The following CHPF2 variants were observed in gnomAD, a reference collection of about 807,000 sequenced individuals.
The protein encoded by CHPF2 is chondroitin polymerizing factor 2, non-catalytic subunit.
Under a neutral mutation model 63.0 loss-of-function variants are expected in CHPF2, and 58 were observed. The ratio of observed to expected loss-of-function variants is 0.92; its 90% CI spans 0.75 to 1.15. The LOEUF (loss-of-function observed/expected upper bound fraction) is 1.15. Among genes scored for constraint, CHPF2 ranks in the 50% most tolerant of loss-of-function variants. The pLI is 0.00. For synonymous variants in CHPF2, 442 were observed against 438.0 expected, an observed-to-expected ratio of 1.01 and a Z score of -0.11; for missense variants, 1,045 against 1,035.4, an observed-to-expected ratio of 1.01 and a Z score of -0.13.
rs1296131375 is a variant in CHPF2, at chr7:151,233,131, A to G, written c.-881A>G. The G allele has an allele frequency of 1.8e-6, 2 of 1,122,050 alleles. No homozygotes were observed. Among genetic ancestry groups the G allele is most frequent in the African/African-American group, 3.3e-5 (2 of 61,454 alleles). 69.5% of individuals were successfully genotyped at this position (1,122,050 alleles called of 1,614,324 possible). A position where few individuals can be genotyped will look rare whatever the true frequency, so the allele number is the denominator to read the frequency against. On this transcript the variant is annotated 5_prime_UTR_variant, in exon 1 of 4. Coordinates refer to ENST00000035307, the MANE Select transcript of CHPF2 (RefSeq NM_019015.3). ...TCTCTCTTTGCTTTTGGTTTGCTTC[A>G]TTTGGCCCCTGGGGCCCTGGTAAAA...
At chr7:151,237,093 C>T in intron 3 of CHPF2, 1 of 620,862 alleles carries the variant, frequency 1.6e-6, no homozygotes, top group South Asian at 1.6e-5. Flanking sequence ...GAGAGAAAGG[C>T]TGTTGAGCTT....
At chr7:151,234,616 C>A (rs748400499) in intron 1 of CHPF2, among the ~76,000 whole-genome samples, 1 of 152,100 alleles carries the variant, frequency 6.6e-6, no homozygotes, top group African/African-American at 2.4e-5. Context: ...CTCAGCCTTG[C>A]GAGTAGCTGG....
At position 151,235,339 on chromosome 7, in the gene CHPF2, A is replaced by G. The variant is rs149460609; in HGVS notation, c.555A>G (p.Thr185=). ...YDWFFIMQDD[T]YVQAPRLAAL... is the part of the protein sequence containing the mutation. ...GGTTCTTCATCATGCAGGATGACAC[A>G]TATGTGCAGGCCCCCCGCCTGGCAG... Residue 185 remains threonine (T), a synonymous_variant, in exon 2 of 4, where the codon ACA becomes ACG. Transcript: ENST00000035307. The G allele has an allele frequency of 3.3e-5, 53 of 1,613,962 alleles. No individual in the cohort carries two copies. In the African/African-American group the frequency reaches 5.9e-4, roughly 18 times the overall value.
In CHPF2 at chr7:151,232,668, G is replaced by A. The variant is rs1357059539; in HGVS notation, c.-1344G>A. 1.6e-5 allele frequency: 21 copies of A among 1,295,434 alleles called. No homozygotes were observed. The highest frequency in any genetic ancestry group is 2.6e-4 in the Middle Eastern group (1 of 3,890). 80.2% of individuals were successfully genotyped at this position (1,295,434 alleles called of 1,614,324 possible). A position where few individuals can be genotyped will look rare whatever the true frequency, so the allele number is the denominator to read the frequency against. ...CCCGGGACGCCGGGAGACCCCGGCCGTCCTTTATCCGGTGTCCGCCGGCCC... is the reference window on the plus strand; with the variant it reads ...CCCGGGACGCCGGGAGACCCCGGCCATCCTTTATCCGGTGTCCGCCGGCCC... On this transcript the variant is annotated 5_prime_UTR_variant, in exon 1 of 4. Transcript: ENST00000035307.
chr7:151,237,027 G>A (rs1802679542), intron 3 of CHPF2: 1 of 553,618 alleles, frequency 1.8e-6, no homozygotes, highest in African/African-American at 1.9e-5. Flanking sequence ...CAGAGGTGGA[G>A]TGTAGATGAA....
At chr7:151,234,999 G>A (rs1452879664) in intron 1 of CHPF2, 49 bp from the exon 2 acceptor site, 3 of 1,444,206 alleles carry the variant, frequency 2.1e-6, no homozygotes, top group Non-Finnish European at 2.8e-6. Context: ...AACAAGCTGG[G>A]TTCCTAAAGA....
chr7:151,235,705 T>G, intron 2 of CHPF2, 93 bp downstream of exon 2: 1 of 1,233,668 alleles, frequency 8.1e-7, no homozygotes, highest in Non-Finnish European at 1.1e-6. Context: ...GAGGCCATTG[T>G]TCCCCCTTCC....
Position 151,233,489 on chromosome 7 carries a change from C to A in CHPF2, c.-523C>A. The A allele has an allele frequency of 3.0e-6, 3 of 985,782 alleles. No homozygotes were observed. The highest frequency in any genetic ancestry group is 3.6e-6 in the Non-Finnish European group (3 of 830,190). The allele number at this position is 985,782 out of a possible 1,614,324, so 61.1% of individuals were successfully genotyped here. A position where few individuals can be genotyped will look rare whatever the true frequency, so the allele number is the denominator to read the frequency against. On this transcript the variant is annotated 5_prime_UTR_variant, in exon 1 of 4. Transcript: ENST00000035307. ...TGGCTCAGCAGCCCCTTCAGTAGCC[C>A]GCCTGAGGACCGATGCCAGAGGCAG... is the stretch of plus-strand genomic sequence containing the variant.
Position 151,238,619 on chromosome 7 carries a change from C to A in CHPF2, c.2257C>A (p.Leu753Ile). The stretch of plus-strand genomic sequence containing the variant: ...CTGCCGCCTCAGCAACCTGGAGGGG[C>A]TAGGGGGCCGTGCCCAGCTGGCTAT... ...HRCRLSNLEG[L>I]GGRAQLAMAL... The change falls in exon 4 of 4, where the codon CTA becomes ATA. Residue 753 changes from leucine (L) to isoleucine (I), a missense_variant. Coordinates refer to ENST00000035307, the MANE Select transcript of CHPF2 (RefSeq NM_019015.3). 1 of 1,612,390 alleles carries A rather than the reference C, an allele frequency of 6.2e-7. No individual in the cohort carries two copies. The highest frequency in any genetic ancestry group is 8.5e-7 in the Non-Finnish European group (1 of 1,179,134).
rs761971375 is a variant in CHPF2 at position 151,232,509 on chromosome 7, A to C, written c.-1503A>C. On this transcript the variant is annotated 5_prime_UTR_variant, in exon 1 of 4. Coordinates refer to ENST00000035307, the MANE Select transcript of CHPF2 (RefSeq NM_019015.3). ...GAGGAAGCTGCGGACAGGGGCTGTG[A>C]GGTGGCAGCGGCTGCAGCGGCGGAG... is the stretch of plus-strand genomic sequence containing the variant. 3.0e-5 allele frequency: 15 copies of C among 496,700 alleles called. No homozygotes were observed. Among genetic ancestry groups the C allele is most frequent in the Non-Finnish European group, 5.3e-5 (15 of 282,290 alleles). 30.8% of individuals were successfully genotyped at this position (496,700 alleles called of 1,614,324 possible).
chr7:151,233,128 T>C lies in CHPF2; in HGVS notation c.-884T>C. The stretch of plus-strand genomic sequence containing the variant: ...TGCTCTCTCTTTGCTTTTGGTTTGC[T>C]TCATTTGGCCCCTGGGGCCCTGGTA... On this transcript the variant is annotated 5_prime_UTR_variant, in exon 1 of 4. Coordinates refer to ENST00000035307, the MANE Select transcript of CHPF2 (RefSeq NM_019015.3). The C allele has an allele frequency of 1.8e-6, 2 of 1,128,260 alleles. No homozygotes were observed. Among genetic ancestry groups the C allele is most frequent in the Non-Finnish European group, 2.2e-6 (2 of 921,448 alleles). 69.9% of individuals were successfully genotyped at this position (1,128,260 alleles called of 1,614,324 possible).
rs143580156 is a variant in CHPF2 at position 151,235,152 on chromosome 7, C to T, written c.368C>T (p.Thr123Met). 1.2e-4 allele frequency: 196 copies of T among 1,613,146 alleles called. 1 individual carries two copies. Among genetic ancestry groups the T allele is most frequent in the South Asian group, 4.4e-4 (40 of 90,958 alleles). Residue 123 changes from threonine (T) to methionine (M), a missense_variant, in exon 2 of 4, where the codon ACG becomes ATG. Transcript: ENST00000035307. Reference protein sequence around the residue: ...LSTLAVAVNRTVAHHFPRLLY... With the variant: ...LSTLAVAVNRMVAHHFPRLLY... ...ACTTTGGCCGTGGCTGTGAACCGTA[C>T]GGTGGCCCATCACTTCCCTCGGTTA...
chr7:151,237,649 G>A lies in CHPF2; in HGVS notation c.1287G>A (p.Leu429=). The change falls in exon 4 of 4, where the codon CTG becomes CTA. Residue 429 remains leucine, a synonymous_variant. Coordinates refer to ENST00000035307, the MANE Select transcript of CHPF2 (RefSeq NM_019015.3). ...GCCTGCGCTTCCAGAAGCAGCGACT[G>A]CTCAACGGCTATCGGCGCTTCGACC... ...QPRLRFQKQR[L]LNGYRRFDPA... 6.2e-7 allele frequency: 1 copy of A among 1,613,344 alleles called. No homozygotes were observed. Among genetic ancestry groups the A allele is most frequent in the Non-Finnish European group, 8.5e-7 (1 of 1,179,942 alleles).
rs767776711 is a variant in CHPF2, at chr7:151,237,727, G to C, written c.1365G>C (p.Gln455His). 7 of 1,612,854 alleles carry C rather than the reference G, an allele frequency of 4.3e-6. No individual in the cohort carries two copies. In the South Asian group the frequency reaches 6.6e-5, roughly 15 times the overall value. ...ACCTGCTGTTGGAATGTGTGACACA[G>C]CGTGGGCACCGGCGGGCCCTGGCTC... Reference protein sequence around the residue: ...TLDLLLECVTQRGHRRALARR... With the variant: ...TLDLLLECVTHRGHRRALARR... The change falls in exon 4 of 4, where the codon CAG (glutamine) becomes CAC (histidine). Residue 455 changes from glutamine to histidine, a missense_variant. Transcript: ENST00000035307.
chr7:151,237,300 CAG>C (rs1180796334), intron 3 of CHPF2, 72 bp from the exon 4 acceptor site: 11 of 1,227,084 alleles, frequency 9.0e-6, no homozygotes, highest in Non-Finnish European at 1.1e-5. Flanking sequence ...GTTTGAATCT[CAG>C]AGCCCAGGCA....
chr7:151,238,706 T>A lies in CHPF2; in HGVS notation c.*25T>A. The A allele has an allele frequency of 6.2e-7, 1 of 1,604,858 alleles. No individual in the cohort carries two copies. The highest frequency in any genetic ancestry group is 8.5e-7 in the Non-Finnish European group (1 of 1,176,390). ...GCCCGCCTGGGGGCCCTAACCTCATTACCTTTCCTTTGTCTGCCTCAGCCC... is the reference window on the plus strand; with the variant it reads ...GCCCGCCTGGGGGCCCTAACCTCATAACCTTTCCTTTGTCTGCCTCAGCCC... On this transcript the variant is annotated 3_prime_UTR_variant, in exon 4 of 4. Coordinates refer to ENST00000035307, the MANE Select transcript of CHPF2 (RefSeq NM_019015.3).
At position 151,238,739 on chromosome 7, in the gene CHPF2, G is replaced by T; in HGVS notation, c.*58G>T. On this transcript the variant is annotated 3_prime_UTR_variant, in exon 4 of 4. Transcript: ENST00000035307. The stretch of plus-strand genomic sequence containing the variant: ...CTTTGTCTGCCTCAGCCCCAGGAAG[G>T]GCAAGGCAAGATGGTGGACAGATAG... 6.2e-7 allele frequency: 1 copy of T among 1,600,590 alleles called. No homozygotes were observed. Among genetic ancestry groups the T allele is most frequent in the South Asian group, 1.1e-5 (1 of 89,358 alleles).
At position 151,233,369 on chromosome 7, in the gene CHPF2, A is replaced by C. The variant is rs1563627289; in HGVS notation, c.-643A>C. On this transcript the variant is annotated 5_prime_UTR_variant, in exon 1 of 4. Coordinates refer to ENST00000035307, the MANE Select transcript of CHPF2 (RefSeq NM_019015.3). Reference sequence around the variant, plus strand: ...CTCCAGACCGCTCCTGAGTGGGAGGAGGGGTTCCTGTAGCCGTTGCGTCTT... The same window carrying C: ...CTCCAGACCGCTCCTGAGTGGGAGGCGGGGTTCCTGTAGCCGTTGCGTCTT... 1 of 985,686 alleles carries C rather than the reference A, an allele frequency of 1.0e-6. No homozygotes were observed. Among genetic ancestry groups the C allele is most frequent in the Non-Finnish European group, 1.2e-6 (1 of 830,220 alleles). 61.1% of individuals were successfully genotyped at this position (985,686 alleles called of 1,614,324 possible).
In CHPF2 at chr7:151,238,030, C is replaced by A; in HGVS notation, c.1668C>A (p.Tyr556Ter). 6.2e-7 allele frequency: 1 copy of A among 1,612,890 alleles called. No homozygotes were observed. The highest frequency in any genetic ancestry group is 8.5e-7 in the Non-Finnish European group (1 of 1,180,034). ...CAGCAGCGGAGTTAGAGCGACGGTA[C>A]CCTGGGACGAGGCTGGCCTGGCTCG... ...KAAAAELERR[Y>*]PGTRLAWLAV... The change falls in exon 4 of 4, where the codon TAC (tyrosine) becomes TAA (stop). Residue 556 changes from tyrosine to a stop codon, truncating the protein, a stop_gained. Transcript: ENST00000035307. LOFTEE classifies it high-confidence loss of function.
Sources: gnomAD v4.1 joint callset for allele counts (sites outside exome capture counted in the v4.1 genomes callset) on GRCh38, gnomAD v4.1.1 for gene constraint, MANE v1.5 for transcripts, NCBI Gene and HGNC (gene_info 2026-07-23, HGNC 2026-07-21) for gene names.